The following CPNE2 variants were observed in gnomAD, a reference collection of about 807,000 sequenced individuals.
CPNE2 encodes copine-2.
In CPNE2, 42 loss-of-function variants were observed where a neutral mutation model predicts 69.7. That is an observed-to-expected ratio of 0.60 (90% CI 0.47 to 0.78). The LOEUF is 0.78. Among genes scored for constraint, CPNE2 ranks in the 30% least tolerant of loss-of-function variants. The pLI is 0.00. For missense variants in CPNE2, 587 were observed against 732.0 expected (o/e 0.80, Z 2.29); for synonymous variants, 294 against 289.8 (o/e 1.01, Z -0.15).
At chr16:57,115,348 C>G (rs896845079) in intron 3 of CPNE2, 128 bp from the exon 4 acceptor site, 18 of 691,434 alleles carry the variant, frequency 2.6e-5, no homozygotes, top group Non-Finnish European at 4.3e-5. Context: ...GATGCTCAGG[C>G]GGGTCACCAG....
chr16:57,142,365 G>T (rs2069928311), intron 14 of CPNE2: 1 of 152,440 alleles, frequency 6.6e-6, no homozygotes, highest in African/African-American at 2.4e-5. Context: ...TGTGCGTGGA[G>T]TGTCTCAGGC....
At chr16:57,138,511 C>T (rs1380470414) in intron 14 of CPNE2, among the ~76,000 whole-genome samples, 1 of 152,154 alleles carries the variant, frequency 6.6e-6, no homozygotes, top group East Asian at 1.9e-4. Flanking sequence ...ACTGCACAGC[C>T]CTTTCCTTCT....
At chr16:57,096,460 G>A (rs2069578523) in intron 1 of CPNE2, among the ~76,000 whole-genome samples, 1 of 152,196 alleles carries the variant, frequency 6.6e-6, no homozygotes, top group Non-Finnish European at 1.5e-5. Context: ...GGGAGGCCAA[G>A]ATAGTCAGAC....
At chr16:57,114,502 C>T (rs2069703382) in intron 3 of CPNE2, among the ~76,000 whole-genome samples, 1 of 152,228 alleles carries the variant, frequency 6.6e-6, no homozygotes, top group African/African-American at 2.4e-5. Context: ...ACTGGCTGAA[C>T]CTCTGAAAGC....
intron 12 of CPNE2, among the ~76,000 whole-genome samples, chr16:57,132,066 G>A (rs16966632): frequency 0.066 from 10,114 of 152,194 alleles, 496 homozygotes; most frequent in South Asian, 0.19. Context: ...GTTTGTTGAC[G>A]GAATGAATTT....
intron 12 of CPNE2, among the ~76,000 whole-genome samples, chr16:57,129,521 A>G (rs1370527895): frequency 1.3e-5 from 2 of 152,126 alleles, no homozygotes; most frequent in Admixed American, 6.5e-5. Context: ...GAGTCCCAGG[A>G]GAAAGGTGGA....
chr16:57,116,764 C>T (rs1438423049), intron 4 of CPNE2, among the ~76,000 whole-genome samples: 1 of 152,154 alleles, frequency 6.6e-6, no homozygotes, highest in Non-Finnish European at 1.5e-5. Context: ...CAGGGGAGAA[C>T]GGGCAACATG....
chr16:57,117,953 C>T (rs2069732167), intron 5 of CPNE2, among the ~76,000 whole-genome samples: 1 of 152,082 alleles, frequency 6.6e-6, no homozygotes, highest in South Asian at 2.1e-4. Flanking sequence ...GTGAATTAAA[C>T]GAGGCACTCT....
intron 14 of CPNE2, chr16:57,145,687 C>T (rs2069951907): frequency 4.2e-6 from 1 of 236,096 alleles, no homozygotes; most frequent in Admixed American, 5.2e-5. Flanking sequence ...ACGTCAGGCA[C>T]ATTATCTGCA....
chr16:57,122,133 A>C (rs918435890), intron 9 of CPNE2, among the ~76,000 whole-genome samples: 9 of 152,250 alleles, frequency 5.9e-5, no homozygotes, highest in African/African-American at 1.9e-4. Context: ...CCTCTCTGGC[A>C]TCAGCGTCAC....
At chr16:57,127,759 G>A (rs2069810817) in intron 11 of CPNE2, 90 bp from the exon 12 acceptor site, 8 of 1,281,958 alleles carry the variant, frequency 6.2e-6, no homozygotes, top group Non-Finnish European at 9.0e-6. Flanking sequence ...CCTTGGAAGT[G>A]TATGAGGCAG....
chr16:57,126,075 C>A (rs2069799031), intron 11 of CPNE2, 82 bp downstream of exon 11: 1 of 1,540,394 alleles, frequency 6.5e-7, no homozygotes, highest in African/African-American at 1.4e-5. Context: ...TAGAAGGGAC[C>A]CAGAGATCAT....
At chr16:57,101,682 T>G (rs2069614636) in intron 1 of CPNE2, among the ~76,000 whole-genome samples, 1 of 152,242 alleles carries the variant, frequency 6.6e-6, no homozygotes, top group Admixed American at 6.5e-5. Flanking sequence ...TGTAGCCTCG[T>G]GTCTCAAAGT....
chr16:57,137,541 G>A (rs1198863854), intron 14 of CPNE2, among the ~76,000 whole-genome samples: 2 of 152,290 alleles, frequency 1.3e-5, no homozygotes, highest in East Asian at 1.9e-4. Flanking sequence ...TCCCCAGGGC[G>A]AGGTACTGGT....
At chr16:57,094,164 C>T in intron 1 of CPNE2, 1 of 449,810 alleles carries the variant, frequency 2.2e-6, no homozygotes, top group South Asian at 1.6e-5. Context: ...TGGAAAGAAC[C>T]AGGGACGAAG....
intron 1 of CPNE2, among the ~76,000 whole-genome samples, chr16:57,105,735 A>G (rs35738298): frequency 0.044 from 6,657 of 152,228 alleles, 324 homozygotes; most frequent in East Asian, 0.25. Flanking sequence ...AGAGACCACT[A>G]GTTTCATAAA....
At chr16:57,134,736 G>A (rs1244185237) in intron 12 of CPNE2, 39 bp from the exon 13 acceptor site, 4 of 1,613,090 alleles carry the variant, frequency 2.5e-6, no homozygotes, top group African/African-American at 1.3e-5. Flanking sequence ...TGGGTTTGGG[G>A]GCGGGAGGCT....
chr16:57,111,182 CTT>C (rs5817089), intron 2 of CPNE2, among the ~76,000 whole-genome samples: 93 of 138,132 alleles, frequency 6.7e-4, no homozygotes, highest in African/African-American at 1.1e-3. Flanking sequence ...TATTTGATAT[CTT>C]TTTTTTTTTT....
chr16:57,126,399 G>A (rs1419746619), intron 11 of CPNE2, among the ~76,000 whole-genome samples: 11 of 152,322 alleles, frequency 7.2e-5, no homozygotes, highest in South Asian at 2.1e-4. Context: ...TGGGCCTGGC[G>A]CCTAGTTCCC....
Sources: allele counts gnomAD v4.1 joint callset (sites outside exome capture counted in the v4.1 genomes callset), GRCh38; gene constraint gnomAD v4.1.1; transcripts MANE v1.5; gene names NCBI Gene and HGNC (gene_info 2026-07-23, HGNC 2026-07-21).